Variants in QTMAN observed in about 807,000 individuals in gnomAD.
QTMAN encodes queuosine-tRNA mannosyltransferase.
chr2:144,158,388 G>A, the QTMAN span, among the ~76,000 whole-genome samples: 12 of 151,852 alleles, frequency 7.9e-5, no homozygotes, highest in Non-Finnish European at 1.0e-4. Flanking sequence ...ATTCAGTATC[G>A]TCAACACTTT....
chr2:143,939,936 TTCTC>T, the QTMAN span: 6 of 152,306 alleles, frequency 3.9e-5, no homozygotes, highest in Admixed American at 1.3e-4. Context: ...GTTTGTCTCT[TTCTC>T]TTTCTTTCTG....
At chr2:143,976,959 A>C in the QTMAN span, among the ~76,000 whole-genome samples, 2 of 152,206 alleles carry the variant, frequency 1.3e-5, no homozygotes, top group African/African-American at 4.8e-5. Flanking sequence ...AGACCAGCAG[A>C]TACATTATAT....
chr2:144,015,653 A>G, the QTMAN span, among the ~76,000 whole-genome samples: 1 of 152,202 alleles, frequency 6.6e-6, no homozygotes, highest in East Asian at 1.9e-4. Context: ...CCTTAATTCA[A>G]TGGAAGTAAT....
the QTMAN span, among the ~76,000 whole-genome samples, chr2:144,290,215 G>A: frequency 1.3e-5 from 2 of 151,908 alleles, no homozygotes; most frequent in East Asian, 3.9e-4. Flanking sequence ...AGAGGGTCCT[G>A]CTCTATTCAG....
At chr2:144,194,492 TGAAGAAATTCACACTGC>T in the QTMAN span, among the ~76,000 whole-genome samples, 1 of 152,274 alleles carries the variant, frequency 6.6e-6, no homozygotes, top group East Asian at 1.9e-4. Context: ...GCCCAAACAT[TGAAGAAATTCACACTGC>T]GTGGGCTAAT....
At chr2:144,166,845 A>G in the QTMAN span, among the ~76,000 whole-genome samples, 1 of 152,062 alleles carries the variant, frequency 6.6e-6, no homozygotes, top group African/African-American at 2.4e-5. Flanking sequence ...ATCCCCTGTT[A>G]TTCTCTTCAC....
At chr2:144,126,470 T>C in the QTMAN span, among the ~76,000 whole-genome samples, 1 of 151,994 alleles carries the variant, frequency 6.6e-6, no homozygotes, top group Non-Finnish European at 1.5e-5. Context: ...TGATTGTGGT[T>C]TGACTGGCTT....
the QTMAN span, chr2:143,941,990 T>G: frequency 6.4e-6 from 1 of 156,874 alleles, no homozygotes; most frequent in Middle Eastern, 3.1e-3. Context: ...GAAATGATAT[T>G]GAAGACATTA....
chr2:144,185,219 T>C, the QTMAN span, among the ~76,000 whole-genome samples: 15 of 152,180 alleles, frequency 9.9e-5, no homozygotes, highest in Non-Finnish European at 1.8e-4. Context: ...ATTAGTCCCA[T>C]TTTAAAAGAC....
chr2:144,186,242 A>G, the QTMAN span, among the ~76,000 whole-genome samples: 1 of 152,200 alleles, frequency 6.6e-6, no homozygotes, highest in Non-Finnish European at 1.5e-5. Flanking sequence ...TAGGAATATT[A>G]TGCTACAATC....
At chr2:143,983,472 T>C in the QTMAN span, among the ~76,000 whole-genome samples, 1 of 143,230 alleles carries the variant, frequency 7.0e-6, no homozygotes, top group African/African-American at 2.6e-5. Context: ...TTTGAGGTTT[T>C]TTTTTTTTTT....
At chr2:143,970,592 C>G in the QTMAN span, 2 of 872,792 alleles carry the variant, frequency 2.3e-6, no homozygotes, top group Non-Finnish European at 2.0e-6. Flanking sequence ...GAAATTAATA[C>G]TTACGTTGTA....
At chr2:144,104,852 C>G in the QTMAN span, among the ~76,000 whole-genome samples, 1 of 152,156 alleles carries the variant, frequency 6.6e-6, no homozygotes, top group Non-Finnish European at 1.5e-5. Context: ...CTGGGAGGCA[C>G]CCCCCAGTAG....
At chr2:143,962,220 G>C in the QTMAN span, among the ~76,000 whole-genome samples, 1 of 152,114 alleles carries the variant, frequency 6.6e-6, no homozygotes, top group African/African-American at 2.4e-5. Context: ...GAGTATAGAT[G>C]CCATGAAACA....
the QTMAN span, chr2:143,946,339 GATTA>G: frequency 4.6e-5 from 7 of 152,142 alleles, no homozygotes; most frequent in Admixed American, 2.0e-4. Flanking sequence ...GCAACTTTAA[GATTA>G]ATTAAATGCA....
At chr2:143,985,677 T>C in the QTMAN span, among the ~76,000 whole-genome samples, 1 of 152,204 alleles carries the variant, frequency 6.6e-6, no homozygotes, top group Non-Finnish European at 1.5e-5. Context: ...ATTCCAAGAT[T>C]CAGTATCATG....
chr2:144,108,380 C>G, the QTMAN span, among the ~76,000 whole-genome samples: 1 of 152,186 alleles, frequency 6.6e-6, no homozygotes, highest in African/African-American at 2.4e-5. Flanking sequence ...TTGCTCATGC[C>G]TGTAATCCCA....
the QTMAN span, among the ~76,000 whole-genome samples, chr2:144,003,041 A>C: frequency 3.2e-3 from 494 of 152,050 alleles, 7 homozygotes; most frequent in African/African-American, 0.011. Flanking sequence ...GAATATAGTT[A>C]ATTTTCATAA....
At chr2:144,305,711 C>T in the QTMAN span, among the ~76,000 whole-genome samples, 12 of 152,276 alleles carry the variant, frequency 7.9e-5, no homozygotes, top group East Asian at 2.3e-3. Context: ...AATATTAAGT[C>T]ATCTAGATCC....
Sources: gnomAD v4.1 joint callset for allele counts (sites outside exome capture counted in the v4.1 genomes callset) on GRCh38, gnomAD v4.1.1 for gene constraint, MANE v1.5 for transcripts, NCBI Gene and HGNC (gene_info 2026-07-23, HGNC 2026-07-21) for gene names.